IL16: variants seen among roughly 807,000 people sequenced by gnomAD.
IL16 encodes interleukin 16.
A neutral mutation model predicts 110.1 loss-of-function variants in IL16; 67 were observed. That is an observed-to-expected ratio of 0.61 (90% CI 0.50 to 0.75). The LOEUF (loss-of-function observed/expected upper bound fraction) is 0.75, where lower values mean the gene tolerates loss of function less well. Ranked by LOEUF, IL16 falls within the 30% of genes least tolerant of loss-of-function variation. The probability of loss-of-function intolerance (pLI) is 0.00; values close to 1 mark genes in which losing one functional copy is unlikely to be tolerated. For synonymous variants in IL16, 689 were observed against 662.9 expected (o/e 1.04, Z -0.61); for missense variants, 1,545 against 1,655.0 (o/e 0.93, Z 1.15).
chr15:81,266,620 A>T lies in IL16; in HGVS notation c.564+819A>T, dbSNP rs7174779. 4.0e-3 allele frequency among the ~76,000 whole-genome samples: 612 copies of T among 152,252 alleles called. 3 individuals are homozygous for T. Among genetic ancestry groups the T allele is most frequent in the African/African-American group, 0.014 (588 of 41,542 alleles). ...TCACACAGCGCCCTCTGTCTGTAGC[A>T]TCTCACCCCTCCTTCTCTGATCTCT... On this transcript the variant is annotated intron_variant, in intron 4 of 18. Coordinates refer to ENST00000683961, the MANE Select transcript of IL16 (RefSeq NM_172217.5).
chr15:81,241,705 T>A (rs1235568168), intron 2 of IL16, among the ~76,000 whole-genome samples: 1 of 152,102 alleles, frequency 6.6e-6, no homozygotes, highest in Non-Finnish European at 1.5e-5. Flanking sequence ...CTGTGTATAA[T>A]CCAGTTTCCC....
chr15:81,313,254 C>A lies in IL16; in HGVS notation c.*4456C>A. 6.4e-7 allele frequency: 1 copy of A among 1,561,778 alleles called. No individual in the cohort carries two copies. The highest frequency in any genetic ancestry group is 1.9e-5 in the Admixed American group (1 of 52,872). On this transcript the variant is annotated 3_prime_UTR_variant, in exon 19 of 19. Transcript: ENST00000683961. Reference sequence around the variant, plus strand: ...GTTCTTTGCCAAGAAGTAACGATAGCATTACTCATGGAATTGCTTCACTGC... The same window carrying A: ...GTTCTTTGCCAAGAAGTAACGATAGAATTACTCATGGAATTGCTTCACTGC...
At chr15:81,241,607 A>G (rs1897338993) in intron 2 of IL16, among the ~76,000 whole-genome samples, 1 of 152,120 alleles carries the variant, frequency 6.6e-6, no homozygotes, top group Non-Finnish European at 1.5e-5. Context: ...TATGGAATGC[A>G]ATTTTTAAAT....
chr15:81,281,532 C>T (rs891980320), intron 8 of IL16, among the ~76,000 whole-genome samples: 2 of 152,258 alleles, frequency 1.3e-5, no homozygotes, highest in South Asian at 2.1e-4. Context: ...CTCTACACGT[C>T]GCTGGGATAG....
At chr15:81,190,934 C>G (rs1407182527) in intron 1 of IL16, among the ~76,000 whole-genome samples, 1 of 152,088 alleles carries the variant, frequency 6.6e-6, no homozygotes, top group African/African-American at 2.4e-5. Flanking sequence ...TTGTTTTGAC[C>G]TAAGGGTAGG....
intron 4 of IL16, among the ~76,000 whole-genome samples, 157 bp from the exon 5 acceptor site, chr15:81,269,381 C>A (rs1010040667): frequency 1.3e-5 from 2 of 152,168 alleles, no homozygotes; most frequent in Non-Finnish European, 2.9e-5. Flanking sequence ...TAATCCTACC[C>A]ACACCCCACT....
intron 1 of IL16, among the ~76,000 whole-genome samples, chr15:81,189,684 A>AGGCAG (rs1340532184): frequency 1.3e-5 from 2 of 152,154 alleles, no homozygotes; most frequent in Non-Finnish European, 2.9e-5. Flanking sequence ...AGTTCACTGG[A>AGGCAG]GGCAGGGCTT....
chr15:81,213,007 G>A (rs567570684), intron 1 of IL16, among the ~76,000 whole-genome samples: 3 of 151,924 alleles, frequency 2.0e-5, no homozygotes, highest in Non-Finnish European at 4.4e-5. Flanking sequence ...TTAATTTCTC[G>A]ATGAAGGTGT....
At chr15:81,213,288 G>C (rs1896314095) in intron 1 of IL16, among the ~76,000 whole-genome samples, 1 of 152,150 alleles carries the variant, frequency 6.6e-6, no homozygotes, top group South Asian at 2.1e-4. Context: ...TGAAGTTATT[G>C]AGACTTGCTT....
intron 1 of IL16, among the ~76,000 whole-genome samples, chr15:81,187,931 A>G (rs1339443479): frequency 6.6e-6 from 1 of 152,138 alleles, no homozygotes; most frequent in Non-Finnish European, 1.5e-5. Context: ...GCTTGGGATT[A>G]GGGTTGCAGT....
chr15:81,185,472 C>T (rs1050677948), intron 1 of IL16, among the ~76,000 whole-genome samples: 3 of 151,880 alleles, frequency 2.0e-5, no homozygotes, highest in African/African-American at 7.3e-5. Flanking sequence ...TCTCCCACCT[C>T]ACCCTCCTTA....
chr15:81,185,264 C>T (rs1454806240), intron 1 of IL16, among the ~76,000 whole-genome samples: 1 of 152,138 alleles, frequency 6.6e-6, no homozygotes, highest in Non-Finnish European at 1.5e-5. Flanking sequence ...TACTCTCCGT[C>T]TCCTCCTAAT....
At chr15:81,228,946 G>A (rs1313793001) in intron 2 of IL16, among the ~76,000 whole-genome samples, 1 of 152,112 alleles carries the variant, frequency 6.6e-6, no homozygotes, top group Non-Finnish European at 1.5e-5. Flanking sequence ...ATCTCATATG[G>A]ATATTATAAG....
At chr15:81,221,011 A>G (rs1224037313) in intron 1 of IL16, among the ~76,000 whole-genome samples, 2 of 152,010 alleles carry the variant, frequency 1.3e-5, no homozygotes, top group South Asian at 2.1e-4. Context: ...ACTGATAACT[A>G]TGATGATGAG....
rs1288788384 is a variant in IL16 at position 81,265,685 on chromosome 15, A to G, written c.448A>G (p.Ile150Val). 1 of 1,614,008 alleles carries G rather than the reference A, an allele frequency of 6.2e-7. No individual in the cohort carries two copies. The highest frequency in any genetic ancestry group is 8.5e-7 in the Non-Finnish European group (1 of 1,179,944). ...TSVNPYCTREIDFPMTKKSAA... is the reference protein window; with the variant it reads ...TSVNPYCTREVDFPMTKKSAA... Reference sequence around the variant, plus strand: ...TGTTAATCCCTATTGCACAAGAGAAATTGATTTTCCAATGACCAAGAAATC... The same window carrying G: ...TGTTAATCCCTATTGCACAAGAGAAGTTGATTTTCCAATGACCAAGAAATC... Residue 150 changes from isoleucine to valine, a missense_variant, in exon 4 of 19, where the codon ATT becomes GTT. By Grantham distance (29) the Ile-to-Val change is conservative. Around this residue, in one of 3 missense-constraint regions of IL16, gnomAD observed 1,185 missense variants for 1,238.8 expected, o/e 0.96. Transcript: ENST00000683961.
intron 1 of IL16, among the ~76,000 whole-genome samples, chr15:81,186,779 C>T (rs1410902824): frequency 6.6e-6 from 1 of 152,172 alleles, no homozygotes; most frequent in East Asian, 1.9e-4. Flanking sequence ...CTATCCATCT[C>T]TCCATCCCTC....
intron 6 of IL16, 93 bp from the exon 7 acceptor site, chr15:81,278,724 G>A (rs1167779149): frequency 4.7e-6 from 4 of 846,768 alleles, no homozygotes; most frequent in African/African-American, 1.7e-5. Context: ...CATACAAAAA[G>A]CCGGGCAGTT....
At chr15:81,253,462 A>G (rs1897839038) in intron 2 of IL16, among the ~76,000 whole-genome samples, 3 of 152,178 alleles carry the variant, frequency 2.0e-5, no homozygotes, top group African/African-American at 7.2e-5. Flanking sequence ...TTGAGGCACA[A>G]AAGTTTTAAA....
In IL16 at chr15:81,282,719, T is replaced by G. The variant is rs772184922; in HGVS notation, c.1162T>G (p.Ser388Ala). The G allele has an allele frequency of 1.5e-5, 24 of 1,614,094 alleles. No homozygotes were observed. Among genetic ancestry groups the G allele is most frequent in the Non-Finnish European group, 2.0e-5 (24 of 1,180,014 alleles). ...CTCTGGCATTTTCGTCCACACGCTG[T>G]CACCAGGATCCGTGGCGCACCTGGA... Reference protein sequence around the residue: ...CISGIFVHTLSPGSVAHLDGR... With the variant: ...CISGIFVHTLAPGSVAHLDGR... Residue 388 changes from serine (S) to alanine (A), a missense_variant, in exon 9 of 19, where the codon TCA becomes GCA. Physicochemically the swap from Ser to Ala is moderately conservative, Grantham distance 99. Coordinates refer to ENST00000683961, the MANE Select transcript of IL16 (RefSeq NM_172217.5).
Sources: gnomAD v4.1 joint callset for allele counts (sites outside exome capture counted in the v4.1 genomes callset) on GRCh38, gnomAD v4.1.1 for gene constraint, gnomAD v4.1.1 regional missense constraint, MANE v1.5 for transcripts, NCBI Gene and HGNC (gene_info 2026-07-23, HGNC 2026-07-21) for gene names.